The following TMEM87A variants were observed in gnomAD, a reference collection of about 807,000 sequenced individuals.
The protein encoded by TMEM87A is Golgi-pH regulating cation channel.
TMEM87A carries 50 observed loss-of-function variants against 90.0 expected under a neutral mutation model. The observed-to-expected ratio is 0.56, with a 90% CI of 0.44 to 0.70. TMEM87A has a LOEUF of 0.70. TMEM87A is among the 30% of genes least tolerant of loss of function. TMEM87A has a pLI of 0.00. For synonymous variants in TMEM87A, 226 were observed against 226.7 expected, an observed-to-expected ratio of 1.00 and a Z score of 0.03; for missense variants, 577 against 660.5, an observed-to-expected ratio of 0.87 and a Z score of 1.39.
intron 5 of TMEM87A, 67 bp from the exon 6 acceptor site, chr15:42,261,069 G>A: frequency 1.9e-6 from 3 of 1,555,344 alleles, no homozygotes; most frequent in East Asian, 2.4e-5. Context: ...CCAAGTTCCT[G>A]TAGCCACTGG....
chr15:42,260,978 T>A lies in TMEM87A; in HGVS notation c.484A>T (p.Thr162Ser), dbSNP rs753659527. Residue 162 changes from threonine to serine, a missense_variant, in exon 6 of 20, where the codon ACC becomes TCC. By Grantham distance (58) the Thr-to-Ser change is moderately conservative. Coordinates refer to ENST00000389834, the MANE Select transcript of TMEM87A (RefSeq NM_015497.5). ...QEAKENGTNL[T>S]FIGDKTAMHE... ...CTTACGGTTTTGTCTCCAATAAAGGTAAGGTTTGTTCCATTCTCCTTAGCC... is the reference window on the plus strand; with the variant it reads ...CTTACGGTTTTGTCTCCAATAAAGGAAAGGTTTGTTCCATTCTCCTTAGCC... 26 of 1,608,368 alleles carry A rather than the reference T, an allele frequency of 1.6e-5. No homozygotes were observed. The highest frequency in any genetic ancestry group is 2.1e-5 in the Non-Finnish European group (25 of 1,177,854).
rs2050438776 is a variant in TMEM87A at position 42,219,646 on chromosome 15, T to C, written c.1478-4A>G. On this transcript the variant is annotated splice_polypyrimidine_tract_variant and splice_region_variant and intron_variant, in intron 16 of 19. Coordinates refer to ENST00000389834, the MANE Select transcript of TMEM87A (RefSeq NM_015497.5). ...GTACTTCTCATTTTCATTCCTTCTG[T>C]AGAAGAAAATAAATATACACTGTTT... 1.9e-6 allele frequency: 3 copies of C among 1,583,268 alleles called. No individual in the cohort carries two copies. The highest frequency in any genetic ancestry group is 1.1e-5 in the South Asian group (1 of 87,990).
chr15:42,251,369 C>A (rs1199646560), intron 6 of TMEM87A, among the ~76,000 whole-genome samples: 1 of 152,214 alleles, frequency 6.6e-6, no homozygotes, highest in African/African-American at 2.4e-5. Flanking sequence ...TTCTCCCCAT[C>A]TTTGTGGTTT....
intron 12 of TMEM87A, among the ~76,000 whole-genome samples, chr15:42,229,464 A>G (rs2050650896): frequency 2.0e-5 from 3 of 152,114 alleles, no homozygotes; most frequent in Non-Finnish European, 2.9e-5. Flanking sequence ...ATGGCAGAAG[A>G]TAAAGTGAAC....
chr15:42,242,903 C>T (rs1854333687), intron 7 of TMEM87A, among the ~76,000 whole-genome samples: 1 of 151,992 alleles, frequency 6.6e-6, no homozygotes, highest in Non-Finnish European at 1.5e-5. Context: ...CCAATACAGC[C>T]AGTAAAGTCA....
intron 10 of TMEM87A, among the ~76,000 whole-genome samples, chr15:42,235,331 C>A (rs2050751994): frequency 1.3e-5 from 2 of 152,338 alleles, no homozygotes; most frequent in South Asian, 4.1e-4. Context: ...AGCCACCACG[C>A]CTGGCCTTCA....
At chr15:42,227,111 T>C (rs997992615) in intron 14 of TMEM87A, 2 of 545,152 alleles carry the variant, frequency 3.7e-6, no homozygotes, top group Non-Finnish European at 6.5e-6. Context: ...CTTACTGTTG[T>C]TAAAGAAAAT....
chr15:42,269,432 A>T (rs2051468495), intron 2 of TMEM87A, among the ~76,000 whole-genome samples: 1 of 152,186 alleles, frequency 6.6e-6, no homozygotes, highest in Non-Finnish European at 1.5e-5. Flanking sequence ...AGAATGTTCA[A>T]AAATTTGACC....
In TMEM87A at chr15:42,261,216, G is replaced by C. The variant is rs2051283737; in HGVS notation, c.439C>G (p.Leu147Val). 6.2e-7 allele frequency: 1 copy of C among 1,613,328 alleles called. No homozygotes were observed. Among genetic ancestry groups the C allele is most frequent in the Non-Finnish European group, 8.5e-7 (1 of 1,179,772 alleles). The change falls in exon 5 of 20, where the codon CTT becomes GTT. Residue 147 changes from leucine (L) to valine (V), a missense_variant. Leu to Val is a conservative substitution (Grantham distance 32, BLOSUM62 1). Coordinates refer to ENST00000389834, the MANE Select transcript of TMEM87A (RefSeq NM_015497.5). ...FSGDFMHRLP[L>V]LGEKQEAKEN... Reference sequence around the variant, plus strand: ...ATTACCTCCTGTTTTTCTCCTAAAAGAGGCAGTCGATGCATAAAATCTCCA... The same window carrying C: ...ATTACCTCCTGTTTTTCTCCTAAAACAGGCAGTCGATGCATAAAATCTCCA...
chr15:42,258,956 T>C (rs1486972183), intron 6 of TMEM87A: 10 of 1,043,796 alleles, frequency 9.6e-6, no homozygotes, highest in Non-Finnish European at 1.2e-5. Flanking sequence ...CTTTCAACAA[T>C]CCAAGAAATG....
At chr15:42,234,603 T>G (rs923326605) in intron 10 of TMEM87A, among the ~76,000 whole-genome samples, 1 of 152,212 alleles carries the variant, frequency 6.6e-6, no homozygotes, top group Non-Finnish European at 1.5e-5. Flanking sequence ...TTAAAACAAC[T>G]AACCTTAATC....
At chr15:42,273,532 A>C, upstream of TMEM87A, 1 of 1,435,438 alleles carries the variant, frequency 7.0e-7, no homozygotes, top group East Asian at 2.5e-5. Flanking sequence ...TGTGCGGCGT[A>C]GCGGCCCCTC....
At position 42,231,245 on chromosome 15, in the gene TMEM87A, C is replaced by A. The variant is rs781486220; in HGVS notation, c.1078G>T (p.Ala360Ser). 3 of 1,589,284 alleles carry A rather than the reference C, an allele frequency of 1.9e-6. No individual in the cohort carries two copies. Among genetic ancestry groups the A allele is most frequent in the Non-Finnish European group, 2.6e-6 (3 of 1,169,940 alleles). Residue 360 changes from alanine to serine, a missense_variant, in exon 12 of 20, where the codon GCT becomes TCT. Transcript: ENST00000389834. ...GCCAAGGGGATAAAGGCCAAGGAAG[C>A]AAGATCAGTCTGGGCCTGCAGACAA... Reference protein sequence around the residue: ...LRVTGAQTDLASLAFIPLAFL... With the variant: ...LRVTGAQTDLSSLAFIPLAFL...
At chr15:42,269,489 A>G (rs1308306001) in intron 2 of TMEM87A, among the ~76,000 whole-genome samples, 1 of 152,226 alleles carries the variant, frequency 6.6e-6, no homozygotes. Flanking sequence ...TGGGCTATGA[A>G]CTATTCAAAA....
intron 7 of TMEM87A, among the ~76,000 whole-genome samples, chr15:42,242,586 C>G (rs2050892528): frequency 1.3e-5 from 2 of 151,864 alleles, no homozygotes; most frequent in Non-Finnish European, 2.9e-5. Flanking sequence ...GAGAGACAGA[C>G]AGACAGAGAG....
At chr15:42,244,710 C>A (rs2140953169) in intron 6 of TMEM87A, among the ~76,000 whole-genome samples, 1 of 145,188 alleles carries the variant, frequency 6.9e-6, no homozygotes, top group South Asian at 2.3e-4. Context: ...GAGTCACTAC[C>A]CCTCAAAGTC....
At chr15:42,221,162 T>A (rs2050473777) in intron 15 of TMEM87A, among the ~76,000 whole-genome samples, 1 of 151,824 alleles carries the variant, frequency 6.6e-6, no homozygotes, top group African/African-American at 2.4e-5. Flanking sequence ...CTGATGAGAA[T>A]CCCTTGACCC....
At chr15:42,250,853 TC>T (rs1359994996) in intron 6 of TMEM87A, among the ~76,000 whole-genome samples, 5 of 152,186 alleles carry the variant, frequency 3.3e-5, no homozygotes, top group African/African-American at 1.2e-4. Context: ...GGTTCCATTC[TC>T]CCCATCACTT....
intron 9 of TMEM87A, 85 bp from the exon 10 acceptor site, chr15:42,236,504 C>T: frequency 9.1e-7 from 1 of 1,103,212 alleles, no homozygotes; most frequent in Admixed American, 1.7e-5. Flanking sequence ...GCTTTCTACA[C>T]TCTTCAGAAT....
Sources: gnomAD v4.1 joint callset for allele counts (sites outside exome capture counted in the v4.1 genomes callset) on GRCh38, gnomAD v4.1.1 for gene constraint, MANE v1.5 for transcripts, NCBI Gene and HGNC (gene_info 2026-07-23, HGNC 2026-07-21) for gene names.